PLEKHA5: variants seen among roughly 807,000 people sequenced by gnomAD.
PLEKHA5 encodes the protein pleckstrin homology domain-containing family A member 5.
A neutral mutation model predicts 181.9 loss-of-function variants in PLEKHA5; 55 were observed. The observed-to-expected ratio is 0.30, with a 90% CI of 0.24 to 0.38. The LOEUF is 0.38. Among genes scored for constraint, PLEKHA5 ranks in the 10% least tolerant of loss-of-function variants. The probability of loss-of-function intolerance (pLI) is 1.00; values close to 1 mark genes in which losing one functional copy is unlikely to be tolerated. For synonymous variants in PLEKHA5, 535 were observed against 529.4 expected (o/e 1.01, Z -0.15); for missense variants, 1,432 against 1,549.5 (o/e 0.92, Z 1.27).
rs1205483970 is a variant in PLEKHA5 at position 19,274,850 on chromosome 12, G to A, written c.1180G>A (p.Gly394Ser). The A allele has an allele frequency of 6.2e-7, 1 of 1,614,136 alleles. No homozygotes were observed. The highest frequency in any genetic ancestry group is 8.5e-7 in the Non-Finnish European group (1 of 1,180,032). Reference sequence around the variant, plus strand: ...CAATGTTAGCCTGGCAGATCTTAGAGGTGGAAATCGCCCCAATACAGGGCC... The same window carrying A: ...CAATGTTAGCCTGGCAGATCTTAGAAGTGGAAATCGCCCCAATACAGGGCC... ...IVNVSLADLR[G>S]GNRPNTGPLY... Residue 394 changes from glycine to serine, a missense_variant, in exon 11 of 32, where the codon GGT becomes AGT. Gly to Ser is a moderately conservative substitution (Grantham distance 56, BLOSUM62 0). Transcript: ENST00000429027.
intron 15 of PLEKHA5, among the ~76,000 whole-genome samples, chr12:19,310,690 G>A (rs1184009190): frequency 6.6e-6 from 1 of 152,116 alleles, no homozygotes; most frequent in African/African-American, 2.4e-5. Context: ...GCCAAGGCGG[G>A]CGGATTGCTT....
intron 3 of PLEKHA5, among the ~76,000 whole-genome samples, chr12:19,171,247 A>C (rs946508354): frequency 6.6e-6 from 1 of 152,168 alleles, no homozygotes; most frequent in African/African-American, 2.4e-5. Flanking sequence ...GGGAGTGAGC[A>C]TTTACATTCT....
intron 3 of PLEKHA5, among the ~76,000 whole-genome samples, chr12:19,242,690 C>G (rs2062889000): frequency 6.6e-6 from 1 of 152,088 alleles, no homozygotes; most frequent in African/African-American, 2.4e-5. Context: ...TTTTTTTCCC[C>G]TTAATGTTCT....
chr12:19,251,715 T>C (rs914869843), intron 3 of PLEKHA5, among the ~76,000 whole-genome samples: 17 of 146,248 alleles, frequency 1.2e-4, no homozygotes, highest in Non-Finnish European at 2.4e-4. Flanking sequence ...GATGATTCTC[T>C]TGATCTGAAT....
chr12:19,275,871 C>T (rs541322509), intron 11 of PLEKHA5, among the ~76,000 whole-genome samples: 5 of 151,938 alleles, frequency 3.3e-5, no homozygotes, highest in Admixed American at 2.0e-4. Flanking sequence ...ATTGTGGGAC[C>T]GCAAAGTAAA....
chr12:19,314,445 A>C (rs759796099), intron 15 of PLEKHA5, among the ~76,000 whole-genome samples: 78 of 152,114 alleles, frequency 5.1e-4, no homozygotes, highest in Non-Finnish European at 8.7e-4. Context: ...TTCATAATCA[A>C]ATTGTACCAT....
chr12:19,220,540 G>A (rs978844923), intron 3 of PLEKHA5, among the ~76,000 whole-genome samples: 2 of 152,090 alleles, frequency 1.3e-5, no homozygotes, highest in African/African-American at 4.8e-5. Flanking sequence ...TTTATAGTTA[G>A]CATGTTAAAA....
chr12:19,358,267 G>C lies in PLEKHA5; in HGVS notation c.3178G>C (p.Glu1060Gln). The C allele has an allele frequency of 6.2e-7, 1 of 1,613,992 alleles. No individual in the cohort carries two copies. The highest frequency in any genetic ancestry group is 8.5e-7 in the Non-Finnish European group (1 of 1,179,940). Residue 1060 changes from glutamate to glutamine, a missense_variant, in exon 27 of 32, where the codon GAA (glutamate) becomes CAA (glutamine). This residue lies in a region of PLEKHA5 where 1,143 missense variants were observed against 1,168.4 expected (regional missense o/e 0.98). Transcript: ENST00000429027. Reference protein sequence around the residue: ...RSAVEQLCLAESTRPRMTVEE... With the variant: ...RSAVEQLCLAQSTRPRMTVEE... ...TGCAGTGGAACAGCTCTGTTTGGCTGAAAGTACTCGACCAAGGATGACTGT... is the reference window on the plus strand; with the variant it reads ...TGCAGTGGAACAGCTCTGTTTGGCTCAAAGTACTCGACCAAGGATGACTGT...
At chr12:19,197,668 A>G (rs920635965) in intron 3 of PLEKHA5, among the ~76,000 whole-genome samples, 10 of 131,332 alleles carry the variant, frequency 7.6e-5, no homozygotes, top group Non-Finnish European at 1.5e-4. Flanking sequence ...CACAGAGTCT[A>G]TCCGGTGCTG....
rs144508184 is a variant in PLEKHA5 at position 19,322,894 on chromosome 12, C to T, written c.2448+227C>T. Among the ~76,000 whole-genome samples the T allele has an allele frequency of 4.6e-3, 696 of 152,132 alleles. 7 individuals are homozygous for T. Among genetic ancestry groups the T allele is most frequent in the Non-Finnish European group, 6.9e-3 (470 of 68,010 alleles). On this transcript the variant is annotated intron_variant, in intron 20 of 31. Coordinates refer to ENST00000429027, the MANE Select transcript of PLEKHA5 (RefSeq NM_001256470.2). ...ATGAGACAAGGTCTCACTCTGTCACCCAGGCTGGAGTACAGTATTTTGACT... is the reference window on the plus strand; with the variant it reads ...ATGAGACAAGGTCTCACTCTGTCACTCAGGCTGGAGTACAGTATTTTGACT...
intron 3 of PLEKHA5, chr12:19,149,506 A>G (rs1245944623): frequency 1.3e-5 from 2 of 149,470 alleles, no homozygotes; most frequent in East Asian, 1.9e-4. Context: ...TCCATCTCAA[A>G]AAAAAAAAAA....
chr12:19,271,980 G>C (rs367621406), intron 10 of PLEKHA5, among the ~76,000 whole-genome samples: 4 of 152,146 alleles, frequency 2.6e-5, no homozygotes, highest in Non-Finnish European at 5.9e-5. Flanking sequence ...TGTTTGCTTG[G>C]TTTTAAGCTA....
At chr12:19,200,791 A>T (rs1244662442) in intron 3 of PLEKHA5, 1 of 533,824 alleles carries the variant, frequency 1.9e-6, no homozygotes. Context: ...TGATAATTAG[A>T]TAGATAGCTA....
At chr12:19,233,082 A>G (rs2060877872) in intron 3 of PLEKHA5, among the ~76,000 whole-genome samples, 2 of 128,822 alleles carry the variant, frequency 1.6e-5, no homozygotes, top group Non-Finnish European at 3.2e-5. Context: ...GAAGATAATG[A>G]GGATATGAGA....
At chr12:19,276,527 C>T (rs1407933951) in intron 11 of PLEKHA5, among the ~76,000 whole-genome samples, 1 of 152,116 alleles carries the variant, frequency 6.6e-6, no homozygotes, top group African/African-American at 2.4e-5. Flanking sequence ...CCCATGTCTA[C>T]TAAAAATACA....
At chr12:19,312,613 C>T (rs1310952461) in intron 15 of PLEKHA5, among the ~76,000 whole-genome samples, 1 of 152,240 alleles carries the variant, frequency 6.6e-6, no homozygotes, top group Non-Finnish European at 1.5e-5. Flanking sequence ...TCTCAACCTT[C>T]ATAGGATTGA....
At chr12:19,138,585 A>AAAGAAGAT (rs1280170763) in intron 3 of PLEKHA5, among the ~76,000 whole-genome samples, 1 of 151,932 alleles carries the variant, frequency 6.6e-6, no homozygotes, top group East Asian at 1.9e-4. Context: ...AAAAAAAAAA[A>AAAGAAGAT]AAAGAAGATG....
Position 19,348,411 on chromosome 12 carries a change from A to G in PLEKHA5, c.2911A>G (p.Arg971Gly). ...TCTTCCTTTCAAGGGTCCAGATTAT[A>G]GACTCTACAAGAGTGAACCAGAGTT... ...RNGSHCGPDY[R>G]LYKSEPELTT... The change falls in exon 25 of 32, where the codon AGA (arginine) becomes GGA (glycine). Residue 971 changes from arginine (R) to glycine (G), a missense_variant. Arg to Gly is a moderately radical substitution (Grantham distance 125). This residue lies in a region of PLEKHA5 where 1,143 missense variants were observed against 1,168.4 expected (regional missense o/e 0.98). Coordinates refer to ENST00000429027, the MANE Select transcript of PLEKHA5 (RefSeq NM_001256470.2). 1 of 1,579,876 alleles carries G rather than the reference A, an allele frequency of 6.3e-7. No individual in the cohort carries two copies. Among genetic ancestry groups the G allele is most frequent in the South Asian group, 1.2e-5 (1 of 84,828 alleles).
intron 20 of PLEKHA5, among the ~76,000 whole-genome samples, chr12:19,329,393 A>G (rs1001665231): frequency 2.0e-5 from 3 of 152,110 alleles, no homozygotes; most frequent in Non-Finnish European, 4.4e-5. Context: ...TTTTTTTGGA[A>G]TAGTTTCAGT....
Sources: gnomAD v4.1 joint callset for allele counts (sites outside exome capture counted in the v4.1 genomes callset) on GRCh38, gnomAD v4.1.1 for gene constraint, gnomAD v4.1.1 regional missense constraint, MANE v1.5 for transcripts, NCBI Gene and HGNC (gene_info 2026-07-23, HGNC 2026-07-21) for gene names.